The following NLGN4X variants were observed in gnomAD, a reference collection of about 807,000 sequenced individuals.
NLGN4X encodes neuroligin 4 X-linked.
A neutral mutation model predicts 40.3 loss-of-function variants in NLGN4X; 3 were observed. That is an observed-to-expected ratio of 0.07 (90% CI 0.03 to 0.19). The LOEUF (loss-of-function observed/expected upper bound fraction) is 0.19, where lower values mean the gene tolerates loss of function less well. NLGN4X is among the 10% of genes least tolerant of loss of function. The probability of loss-of-function intolerance (pLI) is 1.00; values close to 1 mark genes in which losing one functional copy is unlikely to be tolerated. For missense variants in NLGN4X, 382 were observed against 708.3 expected (o/e 0.54, Z 5.23); for synonymous variants, 270 against 306.8 (o/e 0.88, Z 1.25).
chrX:6,206,244 C>T (rs780599798), intron 1 of NLGN4X, among the ~76,000 whole-genome samples: 2 of 111,360 alleles, frequency 1.8e-5, no homozygotes, highest in African/African-American at 3.3e-5. Context: ...GTCTGCCCTT[C>T]AAACCCAGCT....
At chrX:5,947,139 A>G (rs1032841223) in intron 3 of NLGN4X, among the ~76,000 whole-genome samples, 23 of 111,921 alleles carry the variant, frequency 2.1e-4, no homozygotes, top group African/African-American at 6.5e-4. Context: ...TACAATGAAC[A>G]TATGTGCGCA....
chrX:6,011,545 A>G (rs2147158832), intron 3 of NLGN4X, among the ~76,000 whole-genome samples: 1 of 110,934 alleles, frequency 9.0e-6, no homozygotes, highest in African/African-American at 3.3e-5. Context: ...CATCTGAAAG[A>G]AAAATATCTC....
chrX:6,193,147 C>T (rs937667860), intron 1 of NLGN4X, among the ~76,000 whole-genome samples: 8 of 110,698 alleles, frequency 7.2e-5, no homozygotes, highest in African/African-American at 2.6e-4. Context: ...CTGGGCCGGG[C>T]GCGGTGGCTC....
At chrX:6,216,292 G>C (rs1217992566) in intron 1 of NLGN4X, among the ~76,000 whole-genome samples, 2 of 112,228 alleles carry the variant, frequency 1.8e-5, no homozygotes, top group Non-Finnish European at 1.9e-5. Flanking sequence ...ATTCTGACCT[G>C]CTGTGGCAAG....
chrX:6,206,242 T>A (rs993897099), intron 1 of NLGN4X, among the ~76,000 whole-genome samples: 3 of 111,329 alleles, frequency 2.7e-5, no homozygotes, highest in African/African-American at 9.8e-5. Context: ...GAGTCTGCCC[T>A]TCAAACCCAG....
At chrX:6,128,339 T>C (rs935322109) in intron 2 of NLGN4X, among the ~76,000 whole-genome samples, 3 of 111,670 alleles carry the variant, frequency 2.7e-5, no homozygotes, top group African/African-American at 6.5e-5. Flanking sequence ...TGAGATGCAA[T>C]AGAGTAAATA....
At chrX:5,953,250 C>A (rs950132457) in intron 3 of NLGN4X, among the ~76,000 whole-genome samples, 1 of 110,434 alleles carries the variant, frequency 9.1e-6, no homozygotes, top group African/African-American at 3.3e-5. Flanking sequence ...GTAGCATGTG[C>A]CTGTGGCCTC....
intron 4 of NLGN4X, among the ~76,000 whole-genome samples, chrX:5,904,609 G>A (rs1306656665): frequency 8.9e-6 from 1 of 111,766 alleles, no homozygotes; most frequent in Non-Finnish European, 1.9e-5. Context: ...AAAAGCATGG[G>A]CAATTTTAGG....
intron 2 of NLGN4X, among the ~76,000 whole-genome samples, chrX:6,075,825 T>C (rs1004281300): frequency 1.5e-4 from 17 of 111,836 alleles, no homozygotes; most frequent in African/African-American, 5.2e-4. Context: ...ATGCCGTGAT[T>C]CATGTACAGC....
At chrX:6,030,834 A>G (rs751541056) in intron 2 of NLGN4X, among the ~76,000 whole-genome samples, 3 of 112,381 alleles carry the variant, frequency 2.7e-5, no homozygotes, top group Non-Finnish European at 5.6e-5. Flanking sequence ...TATATGAATA[A>G]GAAATGGCTT....
chrX:5,926,637 T>C (rs1198934967), intron 3 of NLGN4X, among the ~76,000 whole-genome samples: 2 of 110,722 alleles, frequency 1.8e-5, no homozygotes, highest in East Asian at 5.7e-4. Context: ...CAAATATTCT[T>C]ACAGATGTTC....
At chrX:6,040,792 T>C (rs113041244) in intron 2 of NLGN4X, among the ~76,000 whole-genome samples, 5,245 of 112,152 alleles carry the variant, frequency 0.047, 117 homozygotes, top group Non-Finnish European at 0.073. Flanking sequence ...AGATAAATGA[T>C]AGACAGATAT....
At chrX:6,028,914 T>C (rs1411758850) in intron 3 of NLGN4X, among the ~76,000 whole-genome samples, 2 of 111,821 alleles carry the variant, frequency 1.8e-5, no homozygotes, top group Non-Finnish European at 3.8e-5. Flanking sequence ...AATGACACAA[T>C]CAGAAAAGAA....
intron 1 of NLGN4X, among the ~76,000 whole-genome samples, chrX:6,161,639 A>G (rs1469898463): frequency 1.9e-5 from 2 of 107,874 alleles, no homozygotes; most frequent in Non-Finnish European, 1.9e-5. Flanking sequence ...TAGATAAAAG[A>G]AATATTATAT....
intron 1 of NLGN4X, among the ~76,000 whole-genome samples, chrX:6,170,058 G>A (rs1484048405): frequency 9.2e-6 from 1 of 108,779 alleles, no homozygotes; most frequent in East Asian, 2.9e-4. Context: ...CCAGGCTTGA[G>A]TGCAGCGGTA....
intron 1 of NLGN4X, among the ~76,000 whole-genome samples, chrX:6,197,987 C>T (rs1923269819): frequency 9.1e-6 from 1 of 109,619 alleles, no homozygotes; most frequent in Non-Finnish European, 1.9e-5. Context: ...ATTGCTTGAG[C>T]CCAGGAGCAG....
At chrX:5,941,522 T>C (rs1299297687) in intron 3 of NLGN4X, among the ~76,000 whole-genome samples, 1 of 111,896 alleles carries the variant, frequency 8.9e-6, no homozygotes, top group African/African-American at 3.2e-5. Flanking sequence ...AGTTCAGACA[T>C]CTGGGGCAGA....
intron 3 of NLGN4X, among the ~76,000 whole-genome samples, chrX:6,010,821 C>T (rs12842128): frequency 1.8e-5 from 2 of 110,887 alleles, no homozygotes; most frequent in African/African-American, 3.3e-5. Context: ...GTCACTGTGC[C>T]CAGCCTCAAA....
At chrX:6,144,727 T>C (rs147648945) in intron 2 of NLGN4X, among the ~76,000 whole-genome samples, 145 of 111,800 alleles carry the variant, frequency 1.3e-3, no homozygotes, top group Non-Finnish European at 2.4e-3. Context: ...GGAGGGTCTC[T>C]GTTAATATAT....
Sources: allele counts gnomAD v4.1 joint callset (sites outside exome capture counted in the v4.1 genomes callset), GRCh38; gene constraint gnomAD v4.1.1; transcripts MANE v1.5; gene names NCBI Gene and HGNC (gene_info 2026-07-23, HGNC 2026-07-21).